The following DLGAP2 variants were observed in gnomAD, a reference collection of about 807,000 sequenced individuals.
The protein encoded by DLGAP2 is disks large-associated protein 2.
DLGAP2 carries 26 observed loss-of-function variants against 100.3 expected under a neutral mutation model. The observed-to-expected ratio is 0.26, with a 90% CI of 0.19 to 0.36. DLGAP2 has a LOEUF of 0.36. DLGAP2 is among the 10% of genes least tolerant of loss of function. The probability of loss-of-function intolerance (pLI) is 1.00; values close to 1 mark genes in which losing one functional copy is unlikely to be tolerated. For missense variants in DLGAP2, 1,858 were observed against 1,453.2 expected, an observed-to-expected ratio of 1.28 and a Z score of -4.53; for synonymous variants, 886 against 630.1, an observed-to-expected ratio of 1.41 and a Z score of -6.08.
At chr8:759,211 C>T (rs1439918165) in intron 1 of DLGAP2, among the ~76,000 whole-genome samples, 1 of 137,654 alleles carries the variant, frequency 7.3e-6, no homozygotes, top group Admixed American at 7.5e-5. Flanking sequence ...TTATCAATAC[C>T]CCCCACAGCC....
chr8:1,113,276 C>T (rs927309556), intron 2 of DLGAP2, among the ~76,000 whole-genome samples: 11 of 152,082 alleles, frequency 7.2e-5, no homozygotes, highest in Admixed American at 4.6e-4. Context: ...AGCAATGAAT[C>T]TATAAATTGC....
chr8:1,606,671 C>T (rs1796810350), intron 6 of DLGAP2, among the ~76,000 whole-genome samples: 2 of 152,082 alleles, frequency 1.3e-5, no homozygotes, highest in African/African-American at 4.8e-5. Context: ...ATGAATAATT[C>T]TGCTATGACC....
At chr8:1,350,930 A>C (rs867296907) in intron 3 of DLGAP2, among the ~76,000 whole-genome samples, 6 of 129,316 alleles carry the variant, frequency 4.6e-5, no homozygotes, top group South Asian at 2.6e-4. Flanking sequence ...GTGTGTGGAA[A>C]GGCCGTGCGG....
intron 3 of DLGAP2, among the ~76,000 whole-genome samples, chr8:1,410,044 C>T (rs1194300660): frequency 6.6e-6 from 1 of 152,102 alleles, no homozygotes; most frequent in Non-Finnish European, 1.5e-5. Flanking sequence ...GGTGTGTAGA[C>T]CTTTGGCTAA....
intron 3 of DLGAP2, among the ~76,000 whole-genome samples, chr8:1,434,503 G>A (rs1301499269): frequency 6.6e-6 from 1 of 151,884 alleles, no homozygotes; most frequent in Non-Finnish European, 1.5e-5. Flanking sequence ...TTGAGACAGT[G>A]TCTCACTCTG....
chr8:1,172,022 T>C (rs4449821), intron 2 of DLGAP2, among the ~76,000 whole-genome samples: 105,042 of 151,762 alleles, frequency 0.69, 38,014 homozygotes, highest in Admixed American at 0.8. Context: ...TGGCTGGTAC[T>C]GGTTGTTCCT....
intron 3 of DLGAP2, among the ~76,000 whole-genome samples, chr8:1,445,343 G>A (rs923466533): frequency 1.4e-5 from 2 of 147,902 alleles, no homozygotes; most frequent in African/African-American, 2.5e-5. Flanking sequence ...TGCAGTGTTT[G>A]GTTTTTTGTC....
chr8:1,190,506 C>T (rs939125287), intron 2 of DLGAP2, among the ~76,000 whole-genome samples: 12 of 152,140 alleles, frequency 7.9e-5, no homozygotes, highest in Non-Finnish European at 1.5e-4. Context: ...GCATCTCATG[C>T]AGGAGGCACC....
At chr8:834,587 C>G (rs1437503405) in intron 1 of DLGAP2, among the ~76,000 whole-genome samples, 1 of 152,152 alleles carries the variant, frequency 6.6e-6, no homozygotes, top group African/African-American at 2.4e-5. Context: ...ATCTTTCTAC[C>G]TTTAAAACAC....
rs1268636743 is a variant in DLGAP2, at chr8:1,626,809, C to G, written c.1512C>G (p.Asn504Lys). The G allele has an allele frequency of 5.6e-6, 9 of 1,605,034 alleles. 1 individual carries two copies. The highest frequency in any genetic ancestry group is 7.7e-6 in the Non-Finnish European group (9 of 1,176,104). ...GCCTGGACCCCGCTGCGAACTACAA[C>G]TCCCCGAAATTCCGCTCCCGGAACC... ...GHSLDPAANYNSPKFRSRNQS... is the reference protein window; with the variant it reads ...GHSLDPAANYKSPKFRSRNQS... The change falls in exon 7 of 15, where the codon AAC becomes AAG. Residue 504 changes from asparagine to lysine, a missense_variant. Transcript: ENST00000637795.
rs1450063590 is a variant in DLGAP2, at chr8:1,683,954, G to GTGTATATATA, written c.2704+5326_2704+5327insGTATATATAT. Among the ~76,000 whole-genome samples the GTGTATATATA allele has an allele frequency of 4.0e-3, 299 of 74,720 alleles. 6 individuals carry two copies. The highest frequency in any genetic ancestry group is 8.6e-3 in the Middle Eastern group (1 of 116). The allele number at this position is 74,720 out of a possible 152,430, so 49.0% of individuals were successfully genotyped here. On this transcript the variant is annotated intron_variant, in intron 12 of 14. Coordinates refer to ENST00000637795, the MANE Select transcript of DLGAP2 (RefSeq NM_001346810.2). ...TATATATGTGTATATATATATGTGT[G>GTGTATATATA]TATATATATATATATATATATATAT...
At chr8:1,197,142 G>C in intron 2 of DLGAP2, among the ~76,000 whole-genome samples, 1 of 152,232 alleles carries the variant, frequency 6.6e-6, no homozygotes, top group African/African-American at 2.4e-5. Flanking sequence ...CCGCATTGCA[G>C]AGTCCAGTGC....
At chr8:1,519,891 G>T (rs1252748133) in intron 4 of DLGAP2, among the ~76,000 whole-genome samples, 1 of 152,230 alleles carries the variant, frequency 6.6e-6, no homozygotes, top group Non-Finnish European at 1.5e-5. Context: ...GTGGGGTGGG[G>T]ATCCTAGACC....
At chr8:1,581,530 A>G (rs1423077544) in intron 6 of DLGAP2, among the ~76,000 whole-genome samples, 2 of 151,358 alleles carry the variant, frequency 1.3e-5, no homozygotes, top group Non-Finnish European at 2.9e-5. Context: ...AACTCCACAC[A>G]CATCTACACA....
At chr8:1,083,601 A>G (rs1358202261) in intron 2 of DLGAP2, among the ~76,000 whole-genome samples, 2 of 152,204 alleles carry the variant, frequency 1.3e-5, no homozygotes, top group East Asian at 1.9e-4. Flanking sequence ...TAATTATGCT[A>G]ACTGATGTAG....
chr8:960,876 A>G (rs1340381604), intron 2 of DLGAP2, among the ~76,000 whole-genome samples: 1 of 152,270 alleles, frequency 6.6e-6, no homozygotes, highest in East Asian at 1.9e-4. Flanking sequence ...TTATGTCCCA[A>G]TAAACTGATT....
At chr8:1,216,748 C>G (rs1156635184) in intron 2 of DLGAP2, among the ~76,000 whole-genome samples, 5 of 152,148 alleles carry the variant, frequency 3.3e-5, no homozygotes, top group Non-Finnish European at 4.4e-5. Context: ...GTTCATACAT[C>G]ATCCTCTCTT....
chr8:741,687 C>T (rs377418526), intron 1 of DLGAP2, among the ~76,000 whole-genome samples: 17 of 152,188 alleles, frequency 1.1e-4, no homozygotes, highest in Admixed American at 6.5e-4. Context: ...GTTCAGTGTA[C>T]GCTTCCCTTT....
chr8:1,313,125 G>C (rs528520651), intron 3 of DLGAP2, among the ~76,000 whole-genome samples: 1 of 152,312 alleles, frequency 6.6e-6, no homozygotes, highest in Admixed American at 6.5e-5. Context: ...CCCCTTTGGG[G>C]GGTGACATTT....
Sources: allele counts gnomAD v4.1 joint callset (sites outside exome capture counted in the v4.1 genomes callset), GRCh38; gene constraint gnomAD v4.1.1; transcripts MANE v1.5; gene names NCBI Gene and HGNC (gene_info 2026-07-23, HGNC 2026-07-21).